The following CNTN5 variants were observed in gnomAD, a reference collection of about 807,000 sequenced individuals.
CNTN5 encodes the protein contactin-5.
A neutral mutation model predicts 129.1 loss-of-function variants in CNTN5; 77 were observed. The ratio of observed to expected loss-of-function variants is 0.60; its 90% confidence interval spans 0.50 to 0.72. The LOEUF is 0.72. Among genes scored for constraint, CNTN5 ranks in the 30% least tolerant of loss-of-function variants. The pLI, the probability that CNTN5 is intolerant of heterozygous loss-of-function variation, is 0.00. For synonymous variants in CNTN5, 509 were observed against 465.6 expected, an observed-to-expected ratio of 1.09 and a Z score of -1.20; for missense variants, 1,478 against 1,328.8, an observed-to-expected ratio of 1.11 and a Z score of -1.75.
intron 19 of CNTN5, 104 bp downstream of exon 19, chr11:100,297,799 G>A: frequency 2.4e-6 from 2 of 843,246 alleles, no homozygotes; most frequent in South Asian, 1.7e-5. Context: ...TCATTTAGAG[G>A]CTAAAAACAG....
At chr11:100,201,069 G>A (rs1201633059) in intron 15 of CNTN5, among the ~76,000 whole-genome samples, 5 of 151,924 alleles carry the variant, frequency 3.3e-5, no homozygotes, top group Non-Finnish European at 5.9e-5. Flanking sequence ...ATCACTGGTA[G>A]GCCACAGTGG....
intron 1 of CNTN5, among the ~76,000 whole-genome samples, chr11:99,053,633 G>T (rs534709345): frequency 1.3e-5 from 2 of 151,894 alleles, no homozygotes; most frequent in South Asian, 4.2e-4. Context: ...TTTCTGAAGG[G>T]TGTTTAAGAT....
At chr11:100,008,240 A>G (rs1426375939) in intron 9 of CNTN5, among the ~76,000 whole-genome samples, 1 of 152,108 alleles carries the variant, frequency 6.6e-6, no homozygotes, top group East Asian at 1.9e-4. Context: ...AAAGCAGGCT[A>G]TTAGAAAAAT....
intron 3 of CNTN5, among the ~76,000 whole-genome samples, chr11:99,645,799 G>A (rs1296858989): frequency 6.6e-6 from 1 of 151,662 alleles, no homozygotes. Context: ...GGCCTGTCGG[G>A]GTGGGGGGCT....
intron 4 of CNTN5, among the ~76,000 whole-genome samples, chr11:99,838,851 A>T (rs569830739): frequency 6.6e-6 from 1 of 152,300 alleles, no homozygotes; most frequent in African/African-American, 2.4e-5. Flanking sequence ...ATTACTTAGT[A>T]TTAGAAGTAA....
chr11:100,226,066 A>G (rs114704414), intron 16 of CNTN5, among the ~76,000 whole-genome samples: 1 of 152,050 alleles, frequency 6.6e-6, no homozygotes, highest in Non-Finnish European at 1.5e-5. Context: ...CTTTTCTTCA[A>G]ATTTATATCT....
At chr11:99,207,698 C>G (rs1591359915) in intron 1 of CNTN5, among the ~76,000 whole-genome samples, 1 of 152,034 alleles carries the variant, frequency 6.6e-6, no homozygotes, top group Admixed American at 6.6e-5. Flanking sequence ...TTGCTTATAA[C>G]AAAATACAAA....
At chr11:99,300,585 T>C (rs976823464) in intron 1 of CNTN5, among the ~76,000 whole-genome samples, 3 of 152,068 alleles carry the variant, frequency 2.0e-5, no homozygotes, top group African/African-American at 7.2e-5. Flanking sequence ...CTTTTCAATG[T>C]GTTAAAAGAA....
At chr11:100,004,735 G>T (rs944292372) in intron 9 of CNTN5, among the ~76,000 whole-genome samples, 1 of 152,168 alleles carries the variant, frequency 6.6e-6, no homozygotes, top group Admixed American at 6.6e-5. Context: ...CAAGTGGGAG[G>T]AGATGGTGTT....
At chr11:99,617,985 A>G (rs1327913596) in intron 3 of CNTN5, among the ~76,000 whole-genome samples, 3 of 152,196 alleles carry the variant, frequency 2.0e-5, no homozygotes, top group Non-Finnish European at 4.4e-5. Flanking sequence ...AGTATCTCAC[A>G]CAATAAAGTA....
intron 3 of CNTN5, among the ~76,000 whole-genome samples, chr11:99,728,235 T>C (rs896800270): frequency 6.6e-6 from 1 of 152,098 alleles, no homozygotes; most frequent in East Asian, 1.9e-4. Flanking sequence ...AGAGAAGGCA[T>C]AGATATTGAG....
chr11:100,257,572 G>T (rs1950101486), intron 17 of CNTN5, among the ~76,000 whole-genome samples: 1 of 152,132 alleles, frequency 6.6e-6, no homozygotes, highest in Non-Finnish European at 1.5e-5. Flanking sequence ...GCACCTATGG[G>T]ACTAAGCTTC....
intron 3 of CNTN5, among the ~76,000 whole-genome samples, chr11:99,729,293 C>A (rs1288871278): frequency 6.6e-6 from 1 of 152,016 alleles, no homozygotes; most frequent in African/African-American, 2.4e-5. Context: ...CACTATTAAA[C>A]TGACATAACA....
intron 18 of CNTN5, among the ~76,000 whole-genome samples, chr11:100,285,949 G>A (rs960400746): frequency 1.8e-4 from 27 of 152,330 alleles, no homozygotes; most frequent in African/African-American, 4.3e-4. Flanking sequence ...CTTGGGAAGC[G>A]CAAGGGGTCA....
intron 3 of CNTN5, among the ~76,000 whole-genome samples, chr11:99,723,393 C>A (rs1943236862): frequency 6.6e-6 from 1 of 152,178 alleles, no homozygotes; most frequent in East Asian, 1.9e-4. Context: ...CACTATATTC[C>A]CCTAGTACTT....
At chr11:99,346,764 A>T (rs568320787) in intron 2 of CNTN5, among the ~76,000 whole-genome samples, 1 of 152,308 alleles carries the variant, frequency 6.6e-6, no homozygotes, top group Non-Finnish European at 1.5e-5. Context: ...TCATGATGAG[A>T]TTAATGCCCT....
intron 2 of CNTN5, among the ~76,000 whole-genome samples, chr11:99,391,746 G>A (rs1941271273): frequency 6.6e-6 from 1 of 151,908 alleles, no homozygotes; most frequent in African/African-American, 2.4e-5. Context: ...TAGTATAAGG[G>A]TATTTGGTCC....
At chr11:99,110,747 A>C (rs1857751554) in intron 1 of CNTN5, among the ~76,000 whole-genome samples, 1 of 152,148 alleles carries the variant, frequency 6.6e-6, no homozygotes, top group Non-Finnish European at 1.5e-5. Context: ...TGATCACCAT[A>C]AATGTTAATA....
At chr11:100,193,730 C>T in intron 15 of CNTN5, 67 bp downstream of exon 15, 1 of 1,396,488 alleles carries the variant, frequency 7.2e-7, no homozygotes, top group Non-Finnish European at 9.9e-7. Flanking sequence ...AATGTAAGAC[C>T]TTGCTTAGCT....
Sources: gnomAD v4.1 joint callset for allele counts (sites outside exome capture counted in the v4.1 genomes callset) on GRCh38, gnomAD v4.1.1 for gene constraint, MANE v1.5 for transcripts, NCBI Gene and HGNC (gene_info 2026-07-23, HGNC 2026-07-21) for gene names.